Variants in PRH1 observed in about 807,000 individuals in gnomAD.
The protein encoded by PRH1 is proline rich protein HaeIII subfamily 1.
Under a neutral mutation model 7.9 loss-of-function variants are expected in PRH1, and 7 were observed. The observed-to-expected ratio is 0.89, with a 90% CI of 0.50 to 1.67. The LOEUF (loss-of-function observed/expected upper bound fraction) is 1.67, where lower values mean the gene tolerates loss of function less well. PRH1 is among the 40% of genes most tolerant of loss of function. The probability of loss-of-function intolerance (pLI) is 0.00; values close to 1 mark genes in which losing one functional copy is unlikely to be tolerated. For synonymous variants in PRH1, 45 were observed against 80.8 expected, an observed-to-expected ratio of 0.56 and a Z score of 2.38; for missense variants, 109 against 223.6, an observed-to-expected ratio of 0.49 and a Z score of 3.27.
chr12:10,903,585 A>C (rs1237269089), intron 2 of PRH1, among the ~76,000 whole-genome samples: 1 of 152,072 alleles, frequency 6.6e-6, no homozygotes, highest in East Asian at 1.9e-4. Flanking sequence ...TGAACATGCA[A>C]AAACTGAAAG....
chr12:11,024,962 T>G (rs1032875393), intron 1 of PRH1, among the ~76,000 whole-genome samples: 5 of 152,148 alleles, frequency 3.3e-5, no homozygotes, highest in African/African-American at 1.2e-4. Flanking sequence ...AAGAAGACAC[T>G]ATTGTTTTAT....
rs1020100764 is a variant in PRH1, at chr12:10,930,388, C to T, written c.-59+43267G>A. 2.6e-6 allele frequency: 4 copies of T among 1,545,448 alleles called. No individual in the cohort carries two copies. The African/African-American group carries it at 4.1e-5, about 16-fold the overall frequency. ...AGTTCTCCAGTGTCTTCTTATCATCCTTGTCAGGAATTGGCTAATATCAGT... is the reference window on the plus strand; with the variant it reads ...AGTTCTCCAGTGTCTTCTTATCATCTTTGTCAGGAATTGGCTAATATCAGT... On this transcript the variant is annotated intron_variant, in intron 2 of 3. Coordinates refer to the PRH1 transcript ENST00000539853.
chr12:11,134,230 C>T lies in PRH1; in HGVS notation n.40-13050G>A, dbSNP rs1162786982. On this transcript the variant is annotated intron_variant and non_coding_transcript_variant, in intron 1 of 1. Coordinates refer to the PRH1 transcript ENST00000541175. ...CTATTAGAATGGAAAAAATGATGGG[C>T]AGAAAAGTTATCATGTCTGAACAGA... 3 of 1,612,576 alleles carry T rather than the reference C, an allele frequency of 1.9e-6. No individual in the cohort carries two copies. In the East Asian group the frequency reaches 6.7e-5, roughly 36 times the overall value.
chr12:11,056,733 A>T (rs1321328475), intron 1 of PRH1, among the ~76,000 whole-genome samples: 1 of 152,110 alleles, frequency 6.6e-6, no homozygotes, highest in Non-Finnish European at 1.5e-5. Context: ...CAAAAGAATC[A>T]TTTGAACCCA....
chr12:11,017,967 C>G (rs140429903), intron 1 of PRH1, among the ~76,000 whole-genome samples: 18 of 152,190 alleles, frequency 1.2e-4, no homozygotes, highest in Non-Finnish European at 2.9e-5. Flanking sequence ...ACCTACCTAG[C>G]CTCTGCCAAA....
At chr12:11,167,486 C>T (rs995465255) in intron 1 of PRH1, among the ~76,000 whole-genome samples, 1 of 151,276 alleles carries the variant, frequency 6.6e-6, no homozygotes, top group Non-Finnish European at 1.5e-5. Context: ...GCTCTGTCAC[C>T]CAGGCTGGAG....
chr12:11,152,647 T>C (rs1412805408), intron 1 of PRH1, among the ~76,000 whole-genome samples: 1 of 152,224 alleles, frequency 6.6e-6, no homozygotes, highest in Admixed American at 6.5e-5. Context: ...CAATTATTTA[T>C]TCCCTTTAAT....
chr12:10,957,406 C>T (rs1325681904), intron 2 of PRH1, among the ~76,000 whole-genome samples: 4 of 152,030 alleles, frequency 2.6e-5, no homozygotes, highest in African/African-American at 9.7e-5. Context: ...ATACACAAAA[C>T]TCAATGCAAG....
At chr12:10,951,410 T>C (rs1319465683) in intron 2 of PRH1, among the ~76,000 whole-genome samples, 1 of 152,198 alleles carries the variant, frequency 6.6e-6, no homozygotes, top group Admixed American at 6.5e-5. Flanking sequence ...ACCAGATACA[T>C]GTAAACAGAA....
At chr12:10,908,640 C>T (rs771960931) in intron 2 of PRH1, 3 of 1,614,000 alleles carry the variant, frequency 1.9e-6, no homozygotes, top group Non-Finnish European at 8.5e-7. Flanking sequence ...CCTGGGGTCT[C>T]TGTGTCCTTT....
At chr12:11,073,441 C>T (rs1204292053) in intron 1 of PRH1, among the ~76,000 whole-genome samples, 3 of 143,926 alleles carry the variant, frequency 2.1e-5, no homozygotes, top group Non-Finnish European at 3.1e-5. Context: ...GCAGAAACAT[C>T]CTTTTTAAAG....
chr12:10,986,933 T>A, intron 1 of PRH1: 1 of 1,071,954 alleles, frequency 9.3e-7, no homozygotes, highest in Non-Finnish European at 1.3e-6. Context: ...ACTCTGACCT[T>A]AAATTTTATG....
At chr12:11,117,105 T>C (rs935406063), downstream of PRH1, among the ~76,000 whole-genome samples, 1 of 152,046 alleles carries the variant, frequency 6.6e-6, no homozygotes, top group Non-Finnish European at 1.5e-5. Context: ...AGCATCCACA[T>C]AGGAAAGGAA....
At position 10,962,244 on chromosome 12, in the gene PRH1, C is replaced by T. The variant is rs1938271815; in HGVS notation, c.-59+11411G>A. ...TATTAAAAATATTATATAAAAATCACATTTTAGTAAGGTAATTCATAACTA... is the reference window on the plus strand; with the variant it reads ...TATTAAAAATATTATATAAAAATCATATTTTAGTAAGGTAATTCATAACTA... On this transcript the variant is annotated intron_variant, in intron 2 of 3. Coordinates refer to the PRH1 transcript ENST00000539853. 1.3e-5 allele frequency among the ~76,000 whole-genome samples: 2 copies of T among 152,110 alleles called. 1 individual carries two copies. The highest frequency in any genetic ancestry group is 4.1e-4 in the South Asian group (2 of 4,824).
In PRH1 at chr12:11,091,115, C is replaced by CACACACACATATATATATATATAT. The variant is rs751016037; in HGVS notation, n.124-43928_124-43927insATATATATATATATATGTGTGTGT. On this transcript the variant is annotated intron_variant and non_coding_transcript_variant, in intron 1 of 4. Coordinates refer to the PRH1 transcript ENST00000541977. ...ACACAAATACACACACACACACACA[C>CACACACACATATATATATATATAT]ATATATATATATATATATATATATA... 2.1e-3 allele frequency among the ~76,000 whole-genome samples: 52 copies of CACACACACATATATATATATATAT among 25,112 alleles called. 2 individuals are homozygous for CACACACACATATATATATATATAT. Among genetic ancestry groups the CACACACACATATATATATATATAT allele is most frequent in the Admixed American group, 4.8e-3 (7 of 1,468 alleles). The allele number at this position is 25,112 out of a possible 152,430, so 16.5% of individuals were successfully genotyped here.
chr12:11,070,439 A>AAGAGAAGAATCGTGGGAAAAG (rs1944015188), intron 1 of PRH1, among the ~76,000 whole-genome samples: 2 of 147,188 alleles, frequency 1.4e-5, no homozygotes, highest in Non-Finnish European at 3.0e-5. Context: ...ACAAGACCCC[A>AAGAGAAGAATCGTGGGAAAAG]GAAGTATACC....
intron 2 of PRH1, among the ~76,000 whole-genome samples, chr12:10,960,166 C>T (rs2135931239): frequency 6.6e-6 from 1 of 152,250 alleles, no homozygotes; most frequent in East Asian, 1.9e-4. Flanking sequence ...AACTATAAAT[C>T]AAGAGGAAAA....
At chr12:11,019,459 C>T (rs1355861330) in intron 1 of PRH1, among the ~76,000 whole-genome samples, 1 of 152,268 alleles carries the variant, frequency 6.6e-6, no homozygotes, top group African/African-American at 2.4e-5. Context: ...TTTTAGACAC[C>T]AAAAGCTAAG....
chr12:10,930,196 T>C (rs1241711591), intron 2 of PRH1: 2 of 1,534,914 alleles, frequency 1.3e-6, no homozygotes, highest in African/African-American at 1.4e-5. Context: ...AGGTCCTTTA[T>C]CCTCGTAGAA....
Sources: allele counts gnomAD v4.1 joint callset (sites outside exome capture counted in the v4.1 genomes callset), GRCh38; gene constraint gnomAD v4.1.1; transcripts MANE v1.5; gene names NCBI Gene and HGNC (gene_info 2026-07-23, HGNC 2026-07-21).